OXSR1: variants seen among roughly 807,000 people sequenced by gnomAD.
OXSR1 encodes the protein serine/threonine-protein kinase OSR1.
Under a neutral mutation model 79.8 loss-of-function variants are expected in OXSR1, and 24 were observed. That is an observed-to-expected ratio of 0.30 (90% confidence interval 0.22 to 0.42). The LOEUF is 0.42. Ranked by LOEUF, OXSR1 falls within the 10% of genes least tolerant of loss-of-function variation. The pLI is 1.00. For missense variants in OXSR1, 430 were observed against 618.4 expected (o/e 0.70, Z 3.23); for synonymous variants, 226 against 209.2 (o/e 1.08, Z -0.69).
At chr3:38,215,418 T>G (rs1702464239) in intron 4 of OXSR1, among the ~76,000 whole-genome samples, 3 of 152,102 alleles carry the variant, frequency 2.0e-5, no homozygotes, top group African/African-American at 7.2e-5. Flanking sequence ...GATTTTAAAT[T>G]TTGCCAAAAA....
intron 1 of OXSR1, among the ~76,000 whole-genome samples, chr3:38,170,280 A>AGATGATCTGCCT (rs1288029915): frequency 3.9e-5 from 6 of 152,114 alleles, no homozygotes; most frequent in African/African-American, 7.2e-5. Context: ...TCCTTACCTC[A>AGATGATCTGCCT]GATGATCTGC....
chr3:38,244,881 C>A (rs1302251128), intron 12 of OXSR1, among the ~76,000 whole-genome samples: 1 of 152,074 alleles, frequency 6.6e-6, no homozygotes, highest in African/African-American at 2.4e-5. Flanking sequence ...ATACTGTTTT[C>A]CATAGAGGCT....
At chr3:38,166,544 C>G (rs375715577) in intron 1 of OXSR1, among the ~76,000 whole-genome samples, 56 of 152,080 alleles carry the variant, frequency 3.7e-4, no homozygotes, top group African/African-American at 1.3e-3. Context: ...TGTAATCCCA[C>G]CACTTTGGGA....
chr3:38,223,977 C>T, intron 7 of OXSR1, 64 bp downstream of exon 7: 1 of 968,198 alleles, frequency 1.0e-6, no homozygotes, highest in Non-Finnish European at 1.6e-6. Context: ...AGCCATTTGC[C>T]AGTCTTTTAA....
intron 1 of OXSR1, among the ~76,000 whole-genome samples, chr3:38,170,020 C>T (rs1701547143): frequency 1.3e-5 from 2 of 152,110 alleles, no homozygotes; most frequent in African/African-American, 4.8e-5. Context: ...GCGTGAGCCA[C>T]TGCGCTTAGC....
chr3:38,164,870 A>C (rs1382821300), upstream of OXSR1, among the ~76,000 whole-genome samples: 1 of 152,060 alleles, frequency 6.6e-6, no homozygotes, highest in Non-Finnish European at 1.5e-5. Flanking sequence ...GCCTTGAAAA[A>C]AATGTCACCA....
intron 4 of OXSR1, among the ~76,000 whole-genome samples, chr3:38,214,342 C>G (rs1702443683): frequency 6.6e-6 from 1 of 151,882 alleles, no homozygotes; most frequent in South Asian, 2.1e-4. Flanking sequence ...GTACAGGTGA[C>G]TATAGTAGTA....
intron 12 of OXSR1, among the ~76,000 whole-genome samples, chr3:38,245,739 G>A (rs1225003143): frequency 6.6e-6 from 1 of 152,142 alleles, no homozygotes. Context: ...CTAACTATAG[G>A]CATGAGAGGA....
intron 1 of OXSR1, 73 bp from the exon 2 acceptor site, chr3:38,182,930 T>C (rs1701814194): frequency 1.2e-6 from 1 of 804,138 alleles, no homozygotes; most frequent in Non-Finnish European, 2.1e-6. Context: ...TTGTTTAAAT[T>C]GTATGGGAAT....
chr3:38,213,170 T>C (rs1001303480), intron 4 of OXSR1, among the ~76,000 whole-genome samples: 2 of 152,178 alleles, frequency 1.3e-5, no homozygotes, highest in Admixed American at 1.3e-4. Flanking sequence ...CTTTAAAAAT[T>C]CAAACAGCAC....
chr3:38,169,846 C>G (rs1701542757), intron 1 of OXSR1, among the ~76,000 whole-genome samples: 1 of 151,892 alleles, frequency 6.6e-6, no homozygotes, highest in African/African-American at 2.4e-5. Context: ...CCTCCCACCC[C>G]TGCCTCCCAG....
At chr3:38,181,382 G>A (rs1701783332) in intron 1 of OXSR1, among the ~76,000 whole-genome samples, 1 of 138,120 alleles carries the variant, frequency 7.2e-6, no homozygotes, top group African/African-American at 2.7e-5. Flanking sequence ...TTGAGACAGA[G>A]TCTCACTCTG....
chr3:38,194,351 A>G (rs564781881), intron 3 of OXSR1, among the ~76,000 whole-genome samples: 2 of 152,282 alleles, frequency 1.3e-5, no homozygotes, highest in Non-Finnish European at 2.9e-5. Context: ...GGAGTTCAAC[A>G]GCCCAGCCTG....
intron 11 of OXSR1, 113 bp from the exon 12 acceptor site, chr3:38,242,630 A>G (rs553390289): frequency 5.5e-6 from 3 of 548,640 alleles, no homozygotes; most frequent in Non-Finnish European, 9.9e-6. Context: ...GAGTTAATAT[A>G]TGGATCAGAA....
chr3:38,180,656 A>G (rs761249532), intron 1 of OXSR1, among the ~76,000 whole-genome samples: 1 of 149,032 alleles, frequency 6.7e-6, no homozygotes, highest in Non-Finnish European at 1.5e-5. Flanking sequence ...TCAGCCTCCC[A>G]AGTAGCTAGG....
intron 4 of OXSR1, among the ~76,000 whole-genome samples, chr3:38,205,029 T>C (rs1575334180): frequency 6.6e-6 from 1 of 152,126 alleles, no homozygotes. Flanking sequence ...CTAGAGCTGG[T>C]CTAAGTGCTT....
chr3:38,178,499 G>A (rs1701715513), intron 1 of OXSR1, among the ~76,000 whole-genome samples: 1 of 150,832 alleles, frequency 6.6e-6, no homozygotes, highest in Admixed American at 6.6e-5. Flanking sequence ...AGTGTGGTGG[G>A]GTGGTCTCGG....
intron 1 of OXSR1, among the ~76,000 whole-genome samples, chr3:38,171,545 CTAT>C (rs1220807729): frequency 6.6e-6 from 1 of 152,064 alleles, no homozygotes; most frequent in Admixed American, 6.6e-5. Context: ...CAGCAGTATA[CTAT>C]TTATGGGATT....
intron 4 of OXSR1, 92 bp from the exon 5 acceptor site, chr3:38,216,004 G>C: frequency 1.4e-6 from 1 of 737,734 alleles, no homozygotes; most frequent in Non-Finnish European, 2.3e-6. Context: ...AATATTGCTA[G>C]TATTACATGA....
Sources: gnomAD v4.1 joint callset for allele counts (sites outside exome capture counted in the v4.1 genomes callset) on GRCh38, gnomAD v4.1.1 for gene constraint, MANE v1.5 for transcripts, NCBI Gene and HGNC (gene_info 2026-07-23, HGNC 2026-07-21) for gene names.